The following CEP128 variants were observed in gnomAD, a reference collection of about 807,000 sequenced individuals.
The protein encoded by CEP128 is centrosomal protein 128, also known as centrosomal protein 128kDa.
CEP128 carries 132 observed loss-of-function variants against 156.7 expected under a neutral mutation model. The observed-to-expected ratio is 0.84, with a 90% CI of 0.73 to 0.97. CEP128 has a LOEUF of 0.97. CEP128 is among the 50% of genes least tolerant of loss of function. CEP128 has a pLI of 0.00. For synonymous variants in CEP128, 469 were observed against 448.9 expected (o/e 1.04, Z -0.57); for missense variants, 1,252 against 1,281.9 (o/e 0.98, Z 0.36).
chr14:80,651,391 AAG>A (rs2140851282), intron 19 of CEP128, among the ~76,000 whole-genome samples: 1 of 152,162 alleles, frequency 6.6e-6, no homozygotes, highest in Admixed American at 6.5e-5. Context: ...TGATTTTTTG[AAG>A]AGTTTTCCAT....
intron 9 of CEP128, among the ~76,000 whole-genome samples, chr14:80,845,867 T>C (rs770954886): frequency 1.3e-5 from 2 of 152,154 alleles, no homozygotes; most frequent in Non-Finnish European, 2.9e-5. Flanking sequence ...TATAAACAGA[T>C]GGCCTAGCAT....
At chr14:80,917,175 C>A (rs967144101) in intron 2 of CEP128, among the ~76,000 whole-genome samples, 3 of 152,098 alleles carry the variant, frequency 2.0e-5, no homozygotes, top group Admixed American at 2.0e-4. Context: ...AAATAGAAAG[C>A]CAGACATCCT....
At chr14:80,674,364 C>T (rs560924171) in intron 19 of CEP128, among the ~76,000 whole-genome samples, 46 of 152,182 alleles carry the variant, frequency 3.0e-4, no homozygotes, top group African/African-American at 1.1e-3. Flanking sequence ...TTTTAGAGAT[C>T]ACATTATTAT....
intron 19 of CEP128, among the ~76,000 whole-genome samples, chr14:80,596,276 T>C (rs1182945828): frequency 6.6e-6 from 1 of 152,126 alleles, no homozygotes; most frequent in African/African-American, 2.4e-5. Context: ...TTAGGTATTA[T>C]ATCGTGAAAG....
chr14:80,501,619 C>G (rs1325103824), intron 24 of CEP128, among the ~76,000 whole-genome samples: 1 of 151,922 alleles, frequency 6.6e-6, no homozygotes, highest in Admixed American at 6.6e-5. Context: ...ATTCTTTTGC[C>G]TCAGCCTCCC....
chr14:80,916,536 T>C lies in CEP128; in HGVS notation c.12A>G (p.Ser4=). The change falls in exon 3 of 25, where the codon TCA becomes TCG. Residue 4 remains serine, a synonymous_variant. Transcript: ENST00000555265. MAE[S]SSESDHFRCR... ...AGCGGAAGTGATCTGATTCGCTGGA[T>C]GATTCTGCCATTGATGTACACAAAT... 1 of 1,613,796 alleles carries C rather than the reference T, an allele frequency of 6.2e-7. No homozygotes were observed. Among genetic ancestry groups the C allele is most frequent in the Admixed American group, 1.7e-5 (1 of 59,932 alleles).
At chr14:80,489,624 A>G (rs2140157220), downstream of CEP128, among the ~76,000 whole-genome samples, 1 of 152,098 alleles carries the variant, frequency 6.6e-6, no homozygotes, top group South Asian at 2.1e-4. Flanking sequence ...AATTGGTGCT[A>G]GCTTTCATTA....
intron 18 of CEP128, among the ~76,000 whole-genome samples, chr14:80,746,666 GT>G (rs1899117063): frequency 6.6e-6 from 1 of 152,172 alleles, no homozygotes; most frequent in South Asian, 2.1e-4. Flanking sequence ...ATAAATCGTT[GT>G]GACCTTGGCT....
At chr14:80,681,618 A>T (rs942707937) in intron 19 of CEP128, among the ~76,000 whole-genome samples, 7 of 152,128 alleles carry the variant, frequency 4.6e-5, no homozygotes, top group African/African-American at 1.7e-4. Context: ...TCATGAGGTG[A>T]TGGTTTTATA....
intron 19 of CEP128, among the ~76,000 whole-genome samples, chr14:80,618,284 A>G (rs1226556659): frequency 1.3e-5 from 2 of 152,242 alleles, no homozygotes; most frequent in African/African-American, 4.8e-5. Context: ...ACAATCTATT[A>G]TAACATAAAG....
downstream of CEP128, among the ~76,000 whole-genome samples, chr14:80,486,300 G>A (rs548467679): frequency 2.6e-5 from 4 of 152,080 alleles, no homozygotes; most frequent in Admixed American, 6.5e-5. Context: ...GAAATGAAGC[G>A]AGAAGGGAAG....
intron 19 of CEP128, among the ~76,000 whole-genome samples, chr14:80,722,588 GAGAAA>G (rs1338324804): frequency 6.6e-6 from 1 of 151,266 alleles, no homozygotes; most frequent in Non-Finnish European, 1.5e-5. Flanking sequence ...TTTTCAAGCT[GAGAAA>G]AGAAAAAATG....
At chr14:80,674,002 G>A (rs1425409800) in intron 19 of CEP128, among the ~76,000 whole-genome samples, 14 of 151,424 alleles carry the variant, frequency 9.2e-5, no homozygotes, top group Admixed American at 7.9e-4. Context: ...AGGCTTCTGA[G>A]AAAAAGGCCA....
At chr14:80,861,551 C>G (rs1261553155) in intron 9 of CEP128, among the ~76,000 whole-genome samples, 1 of 152,080 alleles carries the variant, frequency 6.6e-6, no homozygotes, top group South Asian at 2.1e-4. Flanking sequence ...CATGAAGAAA[C>G]ATCAAGAAAC....
chr14:80,744,831 G>C (rs1597320), intron 18 of CEP128, among the ~76,000 whole-genome samples: 101,371 of 151,986 alleles, frequency 0.67, 34,975 homozygotes, highest in African/African-American at 0.85. Context: ...CCCCCAATGT[G>C]CCACTGATAG....
chr14:80,927,140 C>G (rs1169170652), intron 2 of CEP128, among the ~76,000 whole-genome samples: 1 of 152,164 alleles, frequency 6.6e-6, no homozygotes, highest in Non-Finnish European at 1.5e-5. Context: ...TCAGAAACTG[C>G]TACTCCTAGG....
chr14:80,715,402 C>T (rs112692094), intron 19 of CEP128, among the ~76,000 whole-genome samples: 2 of 152,230 alleles, frequency 1.3e-5, no homozygotes, highest in African/African-American at 2.4e-5. Context: ...AGTGTTTTCT[C>T]GAGCTCCTGC....
At chr14:80,477,924 G>A (rs1448412564) in exon 15 of CEP128, 1 of 151,938 alleles carries the variant, frequency 6.6e-6, no homozygotes, top group African/African-American at 2.4e-5. Context: ...AGAATTTGGT[G>A]GCAAAATTCC....
intron 19 of CEP128, among the ~76,000 whole-genome samples, chr14:80,631,780 T>A (rs544245176): frequency 6.6e-6 from 1 of 152,198 alleles, no homozygotes; most frequent in African/African-American, 2.4e-5. Context: ...GACTTAGGTG[T>A]CAGATATTAA....
Sources: gnomAD v4.1 joint callset for allele counts (sites outside exome capture counted in the v4.1 genomes callset) on GRCh38, gnomAD v4.1.1 for gene constraint, MANE v1.5 for transcripts, NCBI Gene and HGNC (gene_info 2026-07-23, HGNC 2026-07-21) for gene names.